AGPAT4: variants seen among roughly 807,000 people sequenced by gnomAD.
AGPAT4 encodes the protein 1-acyl-sn-glycerol-3-phosphate acyltransferase delta.
Under a neutral mutation model 48.0 loss-of-function variants are expected in AGPAT4, and 15 were observed. The ratio of observed to expected loss-of-function variants is 0.31; its 90% CI spans 0.21 to 0.48. The LOEUF (loss-of-function observed/expected upper bound fraction) is 0.48, where lower values mean the gene tolerates loss of function less well. AGPAT4 is among the 20% of genes least tolerant of loss of function. The pLI is 0.99. For missense variants in AGPAT4, 314 were observed against 482.5 expected (o/e 0.65, Z 3.27); for synonymous variants, 178 against 198.7 (o/e 0.90, Z 0.88).
Position 161,196,398 on chromosome 6 carries a change from T to C in AGPAT4, c.179-29981A>G, listed in dbSNP as rs1781065323. 6.6e-6 allele frequency among the ~76,000 whole-genome samples: 1 copy of C among 152,070 alleles called. No homozygotes were observed. The highest frequency in any genetic ancestry group is 1.5e-5 in the Non-Finnish European group (1 of 68,020). On this transcript the variant is annotated intron_variant, in intron 2 of 8. Transcript: ENST00000320285. The surrounding 1 kb of genome is among the most constrained non-coding windows in gnomAD (Gnocchi z 4.3). ...CACCTAGTGCCTGGGTTGGGGATGA[T>C]TAAGTCAGTGAGGGGTAGGACTGTG...
chr6:161,157,854 C>A (rs990247746), intron 3 of AGPAT4, among the ~76,000 whole-genome samples: 3 of 152,188 alleles, frequency 2.0e-5, no homozygotes, highest in African/African-American at 7.2e-5. Flanking sequence ...GGCTCTACCA[C>A]GACCCAGCTG....
chr6:161,151,247 G>A (rs1466702869), intron 5 of AGPAT4, among the ~76,000 whole-genome samples: 7 of 152,280 alleles, frequency 4.6e-5, no homozygotes, highest in Middle Eastern at 3.4e-3. Flanking sequence ...TCTGTGAACC[G>A]AAAGCAAAAA....
intron 2 of AGPAT4, among the ~76,000 whole-genome samples, chr6:161,210,730 GC>G (rs1781500196): frequency 6.6e-6 from 1 of 152,142 alleles, no homozygotes; most frequent in African/African-American, 2.4e-5. Flanking sequence ...TATTAATCAA[GC>G]AATTTCATAC....
rs1782570692 is a variant in AGPAT4, at chr6:161,243,857, G to C, written c.-89-11555C>G. Among the ~76,000 whole-genome samples, 1 of 152,138 alleles carries C rather than the reference G, an allele frequency of 6.6e-6. No homozygotes were observed. The highest frequency in any genetic ancestry group is 2.4e-5 in the African/African-American group (1 of 41,412). The stretch of plus-strand genomic sequence containing the variant: ...TTAGCCTGACAACCACTCATCTCCA[G>C]GGTGACCCTGAGCTGAAGTGACTCC... On this transcript the variant is annotated intron_variant, in intron 1 of 8. Coordinates refer to ENST00000320285, the MANE Select transcript of AGPAT4 (RefSeq NM_020133.3). The surrounding 1 kb of genome is among the most constrained non-coding windows in gnomAD (Gnocchi z 4.8).
In AGPAT4 at chr6:161,184,329, G is replaced by A. The variant is rs1371157596; in HGVS notation, c.179-17912C>T. ...AACTTGCTGTTGGGTTCAACGTGGT[G>A]TAAGAGACAGAGGAGAATTCAGGAG... is the stretch of plus-strand genomic sequence containing the variant. On this transcript the variant is annotated intron_variant, in intron 2 of 8. Transcript: ENST00000320285. This position sits in a 1 kb window ranked among gnomAD's most constrained non-coding sequence, Gnocchi z 4.8. Among the ~76,000 whole-genome samples the A allele has an allele frequency of 6.6e-6, 1 of 152,110 alleles. No homozygotes were observed. Among genetic ancestry groups the A allele is most frequent in the African/African-American group, 2.4e-5 (1 of 41,416 alleles).
Position 161,138,337 on chromosome 6 carries a change from C to G in AGPAT4, c.1042+1085G>C, listed in dbSNP as rs1779143099. On this transcript the variant is annotated intron_variant, in intron 8 of 8. Transcript: ENST00000320285. This position sits in a 1 kb window ranked among gnomAD's most constrained non-coding sequence, Gnocchi z 4.8. ...AACAGGAGCCAGCTTGTCTACTGCA[C>G]CCATATGCTGCAGCATTGGTTGGCT... Among the ~76,000 whole-genome samples, 2 of 152,184 alleles carry G rather than the reference C, an allele frequency of 1.3e-5. No individual in the cohort carries two copies.
chr6:161,174,165 T>A (rs941245098), intron 2 of AGPAT4, among the ~76,000 whole-genome samples: 7 of 152,322 alleles, frequency 4.6e-5, no homozygotes, highest in African/African-American at 1.7e-4. Flanking sequence ...TAAAGCAGTT[T>A]TTTCCAATTC....
At position 161,251,616 on chromosome 6, in the gene AGPAT4, G is replaced by C. The variant is rs939081179; in HGVS notation, c.-89-19314C>G. ...CCGGCCGCTGGTTAAAGACCCGCAG[G>C]GAGGATGGAAGCTGCGCCTGAGAGC... is the stretch of plus-strand genomic sequence containing the variant. On this transcript the variant is annotated intron_variant, in intron 1 of 8. Coordinates refer to ENST00000320285, the MANE Select transcript of AGPAT4 (RefSeq NM_020133.3). The surrounding 1 kb of genome is among the most constrained non-coding windows in gnomAD (Gnocchi z 4.6). Among the ~76,000 whole-genome samples, 2 of 152,230 alleles carry C rather than the reference G, an allele frequency of 1.3e-5. No homozygotes were observed. The highest frequency in any genetic ancestry group is 4.8e-5 in the African/African-American group (2 of 41,466).
At chr6:161,273,872 G>A (rs960334138) in intron 1 of AGPAT4, 66 bp downstream of exon 1, 34 of 150,142 alleles carry the variant, frequency 2.3e-4, no homozygotes, top group African/African-American at 8.1e-4. Context: ...ATGCTGGGAA[G>A]AGGAATGCAA....
intron 2 of AGPAT4, among the ~76,000 whole-genome samples, chr6:161,207,565 G>A (rs1354244921): frequency 6.6e-6 from 1 of 152,234 alleles, no homozygotes; most frequent in Non-Finnish European, 1.5e-5. Flanking sequence ...TATAGCTGGA[G>A]CCCTAGACAG....
Position 161,201,115 on chromosome 6 carries a change from T to C in AGPAT4, c.178+30921A>G, listed in dbSNP as rs535238225. 3.3e-5 allele frequency among the ~76,000 whole-genome samples: 5 copies of C among 152,330 alleles called. No individual in the cohort carries two copies. The East Asian group carries it at 7.7e-4, about 24-fold the overall frequency. ...GTGTTGCAAAGGAAATCTTGTCCCA[T>C]TGATCAACTCAGGTTCCTCTGCAAT... On this transcript the variant is annotated intron_variant, in intron 2 of 8. Transcript: ENST00000320285. This position sits in a 1 kb window ranked among gnomAD's most constrained non-coding sequence, Gnocchi z 6.0.
At chr6:161,199,698 G>A (rs980367739) in intron 2 of AGPAT4, among the ~76,000 whole-genome samples, 25 of 152,226 alleles carry the variant, frequency 1.6e-4, no homozygotes, top group African/African-American at 5.3e-4. Flanking sequence ...GTGAATTCTC[G>A]TGAGATCTGG....
In AGPAT4 at chr6:161,261,306, A is replaced by G. The variant is rs1003703280; in HGVS notation, c.-90+12632T>C. On this transcript the variant is annotated intron_variant, in intron 1 of 8. Transcript: ENST00000320285. This position sits in a 1 kb window ranked among gnomAD's most constrained non-coding sequence, Gnocchi z 5.3. ...ACAAACAACAGAAAAGACCCGGCAC[A>G]GTCCTGGGCCACATGACGTTGACAA... Among the ~76,000 whole-genome samples, 1 of 152,252 alleles carries G rather than the reference A, an allele frequency of 6.6e-6. No individual in the cohort carries two copies. The highest frequency in any genetic ancestry group is 1.5e-5 in the Non-Finnish European group (1 of 68,054).
Position 161,265,649 on chromosome 6 carries a change from TC to T in AGPAT4, c.-90+8288del, listed in dbSNP as rs568880504. On this transcript the variant is annotated intron_variant, in intron 1 of 8. Transcript: ENST00000320285. Reference sequence around the variant, plus strand: ...TCAATTTGTTCTTGAGATATGTTAATCTGTTCACTCCAGAGAGGTTTGGAAA... The same window carrying T: ...TCAATTTGTTCTTGAGATATGTTAATTGTTCACTCCAGAGAGGTTTGGAAA... Among the ~76,000 whole-genome samples the T allele has an allele frequency of 6.3e-3, 953 of 152,244 alleles. 6 individuals carry two copies. The highest frequency in any genetic ancestry group is 0.01 in the Middle Eastern group (3 of 294).
At position 161,272,705 on chromosome 6, in the gene AGPAT4, A is replaced by AACACACACACACACACACACAC. The variant is rs3043142; in HGVS notation, c.-90+1211_-90+1232dup. Among the ~76,000 whole-genome samples, 98 of 147,176 alleles carry AACACACACACACACACACACAC rather than the reference A, an allele frequency of 6.7e-4. 1 individual carries two copies. Among genetic ancestry groups the AACACACACACACACACACACAC allele is most frequent in the African/African-American group, 2.4e-3 (95 of 39,914 alleles). ...TCCCTGCCCGCCTCCCATTTCCCTA[A>AACACACACACACACACACACAC]ACACACACACACACACACACACACA... On this transcript the variant is annotated intron_variant, in intron 1 of 8. Coordinates refer to ENST00000320285, the MANE Select transcript of AGPAT4 (RefSeq NM_020133.3). The surrounding 1 kb of genome is among the most constrained non-coding windows in gnomAD (Gnocchi z 4.2).
chr6:161,213,664 C>G (rs1017233854), intron 2 of AGPAT4, among the ~76,000 whole-genome samples: 7 of 152,156 alleles, frequency 4.6e-5, no homozygotes, highest in African/African-American at 1.7e-4. Flanking sequence ...ACTTTCATAC[C>G]TGCCTACTGA....
At position 161,216,056 on chromosome 6, in the gene AGPAT4, A is replaced by G. The variant is rs1781638355; in HGVS notation, c.178+15980T>C. On this transcript the variant is annotated intron_variant, in intron 2 of 8. Transcript: ENST00000320285. This position sits in a 1 kb window ranked among gnomAD's most constrained non-coding sequence, Gnocchi z 4.8. ...CAGTTGACGAGGATTAAAGAAAACAAACAAAAAATACCTTTCAGCTAAAGC... is the reference window on the plus strand; with the variant it reads ...CAGTTGACGAGGATTAAAGAAAACAGACAAAAAATACCTTTCAGCTAAAGC... Among the ~76,000 whole-genome samples the G allele has an allele frequency of 6.6e-6, 1 of 152,200 alleles. No individual in the cohort carries two copies. The highest frequency in any genetic ancestry group is 1.5e-5 in the Non-Finnish European group (1 of 68,026).
At chr6:161,157,821 T>G (rs1403307155) in intron 3 of AGPAT4, among the ~76,000 whole-genome samples, 1 of 152,234 alleles carries the variant, frequency 6.6e-6, no homozygotes, top group Non-Finnish European at 1.5e-5. Context: ...AGCTCTGGAA[T>G]GAGACAGTCC....
Position 161,218,121 on chromosome 6 carries a change from G to A in AGPAT4, c.178+13915C>T, listed in dbSNP as rs542332340. ...TGGCAAGAGAACCACATGCCCTGGG[G>A]TGGACATACAACCTGCACAAGATGA... On this transcript the variant is annotated intron_variant, in intron 2 of 8. Coordinates refer to ENST00000320285, the MANE Select transcript of AGPAT4 (RefSeq NM_020133.3). The surrounding 1 kb of genome is among the most constrained non-coding windows in gnomAD (Gnocchi z 4.7). 9.8e-5 allele frequency among the ~76,000 whole-genome samples: 15 copies of A among 152,322 alleles called. No individual in the cohort carries two copies. The highest frequency in any genetic ancestry group is 3.4e-3 in the Middle Eastern group (1 of 294).
Sources: allele counts gnomAD v4.1 joint callset (sites outside exome capture counted in the v4.1 genomes callset), GRCh38; gene constraint gnomAD v4.1.1; non-coding constraint Gnocchi (gnomAD v3.1); transcripts MANE v1.5; gene names NCBI Gene and HGNC (gene_info 2026-07-23, HGNC 2026-07-21).